The following CDH13 variants were observed in gnomAD, a reference collection of about 807,000 sequenced individuals.
CDH13 encodes cadherin-13.
CDH13 carries 24 observed loss-of-function variants against 63.8 expected under a neutral mutation model. The ratio of observed to expected loss-of-function variants is 0.38; its 90% CI spans 0.27 to 0.53. The LOEUF is 0.53. CDH13 is among the 20% of genes least tolerant of loss of function. The pLI is 0.85. For synonymous variants in CDH13, 503 were observed against 355.3 expected, an observed-to-expected ratio of 1.42 and a Z score of -4.67; for missense variants, 1,049 against 903.1, an observed-to-expected ratio of 1.16 and a Z score of -2.07.
In CDH13 at chr16:83,125,549, A is replaced by G. The variant is rs200634279; in HGVS notation, c.483+48A>G. ...GACAAAAACATGTTTTTATGAAAAG[A>G]TGAGCACAGCAGACTGAGTATGACT... On this transcript the variant is annotated intron_variant, in intron 4 of 13. Coordinates refer to ENST00000567109, the MANE Select transcript of CDH13 (RefSeq NM_001257.5). 3.2e-3 allele frequency: 3,208 copies of G among 1,004,050 alleles called. 12 individuals are homozygous for G. The highest frequency in any genetic ancestry group is 0.019 in the Middle Eastern group (95 of 4,938). 62.2% of individuals were successfully genotyped at this position (1,004,050 alleles called of 1,614,324 possible). A position where few individuals can be genotyped will look rare whatever the true frequency, so the allele number is the denominator to read the frequency against.
At chr16:83,654,861 C>G (rs1912719714) in intron 8 of CDH13, 1 of 152,218 alleles carries the variant, frequency 6.6e-6, no homozygotes, top group Non-Finnish European at 1.5e-5. Context: ...GAAAGAGCAT[C>G]TCCAGGTGGC....
intron 4 of CDH13, among the ~76,000 whole-genome samples, chr16:83,199,788 G>A (rs748415539): frequency 2.0e-5 from 3 of 152,186 alleles, no homozygotes; most frequent in Admixed American, 6.5e-5. Flanking sequence ...AGGACCTCAG[G>A]AATGCAGGTC....
At position 83,488,387 on chromosome 16, in the gene CDH13, G is replaced by C. The variant is rs900647608; in HGVS notation, c.960+1732G>C. ...GTTTGTTGGCATAGAGGGAAAAAAA[G>C]GAAAAAGAGTTGGAAATAAAACTAA... On this transcript the variant is annotated intron_variant, in intron 7 of 13. Transcript: ENST00000567109. 2.6e-5 allele frequency among the ~76,000 whole-genome samples: 4 copies of C among 152,230 alleles called. No individual in the cohort carries two copies. The South Asian group carries it at 8.3e-4, about 32-fold the overall frequency.
intron 6 of CDH13, among the ~76,000 whole-genome samples, chr16:83,392,194 T>C (rs1014575298): frequency 6.6e-6 from 1 of 152,182 alleles, no homozygotes; most frequent in Non-Finnish European, 1.5e-5. Flanking sequence ...CACTGCCTCA[T>C]AGCTTCGTGG....
chr16:82,869,519 C>G (rs1567616343), intron 2 of CDH13, among the ~76,000 whole-genome samples: 2 of 152,078 alleles, frequency 1.3e-5, no homozygotes, highest in South Asian at 2.1e-4. Context: ...AGACCCAGAA[C>G]AGCAGAAGCC....
intron 2 of CDH13, among the ~76,000 whole-genome samples, chr16:82,922,755 G>A (rs1463513279): frequency 2.0e-5 from 3 of 152,104 alleles, no homozygotes; most frequent in African/African-American, 4.8e-5. Context: ...TCATGTGCCC[G>A]AGAGGAAAAT....
At chr16:82,652,216 C>A (rs1288214774) in intron 1 of CDH13, among the ~76,000 whole-genome samples, 1 of 152,152 alleles carries the variant, frequency 6.6e-6, no homozygotes, top group Non-Finnish European at 1.5e-5. Context: ...TTCAGAAAAT[C>A]ATTATTGGTT....
intron 6 of CDH13, among the ~76,000 whole-genome samples, chr16:83,448,034 A>G (rs946566094): frequency 6.6e-6 from 1 of 152,162 alleles, no homozygotes; most frequent in Admixed American, 6.5e-5. Flanking sequence ...GGTACTTCCA[A>G]GGGAATGAGA....
chr16:82,991,200 C>T (rs1431715125), intron 2 of CDH13, among the ~76,000 whole-genome samples: 1 of 152,158 alleles, frequency 6.6e-6, no homozygotes, highest in South Asian at 2.1e-4. Context: ...ACATGTCTAC[C>T]AAGAGTGCAT....
intron 8 of CDH13, among the ~76,000 whole-genome samples, chr16:83,615,829 C>A (rs1347750398): frequency 6.6e-6 from 1 of 152,208 alleles, no homozygotes; most frequent in African/African-American, 2.4e-5. Flanking sequence ...GCATTCCCAA[C>A]TTCCCATCAC....
At chr16:83,360,625 C>G (rs2091144075) in intron 6 of CDH13, among the ~76,000 whole-genome samples, 3 of 152,172 alleles carry the variant, frequency 2.0e-5, no homozygotes, top group Non-Finnish European at 4.4e-5. Flanking sequence ...GCACCCTCCG[C>G]TAGTCCCCAG....
chr16:83,065,577 C>T (rs960627033), intron 3 of CDH13, among the ~76,000 whole-genome samples: 9 of 151,876 alleles, frequency 5.9e-5, no homozygotes, highest in Admixed American at 2.0e-4. Flanking sequence ...TGGTGGTGCA[C>T]GCCTGTAATT....
chr16:83,184,846 A>G (rs902057610), intron 4 of CDH13, among the ~76,000 whole-genome samples: 1 of 151,830 alleles, frequency 6.6e-6, no homozygotes, highest in African/African-American at 2.4e-5. Context: ...CAGACTATAT[A>G]TACATTAGCT....
At chr16:83,216,963 G>C (rs570516715) in intron 4 of CDH13, among the ~76,000 whole-genome samples, 3 of 151,942 alleles carry the variant, frequency 2.0e-5, no homozygotes, top group Non-Finnish European at 4.4e-5. Context: ...CAATGCATGC[G>C]CAGCAAATGG....
At chr16:83,094,635 T>A (rs907687552) in intron 3 of CDH13, among the ~76,000 whole-genome samples, 1 of 152,180 alleles carries the variant, frequency 6.6e-6, no homozygotes, top group African/African-American at 2.4e-5. Flanking sequence ...AACTTCCCAG[T>A]GGCTGAAAGA....
At chr16:83,745,124 G>A (rs1175486202) in intron 10 of CDH13, among the ~76,000 whole-genome samples, 5 of 152,272 alleles carry the variant, frequency 3.3e-5, no homozygotes, top group Admixed American at 6.5e-5. Context: ...CTCCTGGAGC[G>A]GTGTCCAGCC....
chr16:82,929,352 A>G (rs1441593694), intron 2 of CDH13, among the ~76,000 whole-genome samples: 5 of 152,110 alleles, frequency 3.3e-5, no homozygotes, highest in Admixed American at 2.6e-4. Flanking sequence ...TTTCTACTAC[A>G]TGAGGACACA....
At chr16:83,555,080 G>C (rs943774384) in intron 7 of CDH13, among the ~76,000 whole-genome samples, 1 of 152,170 alleles carries the variant, frequency 6.6e-6, no homozygotes, top group African/African-American at 2.4e-5. Context: ...CCAGCTTGCA[G>C]CCCCTCACTG....
chr16:83,056,340 TCTTACAAGAAAGTCCAGAATAACA>T (rs1567787578), intron 3 of CDH13, among the ~76,000 whole-genome samples: 1 of 151,992 alleles, frequency 6.6e-6, no homozygotes, highest in African/African-American at 2.4e-5. Context: ...CACTAAAGGC[TCTTACAAGAAAGTCCAGAATAACA>T]CTTTGTAATA....
Sources: allele counts gnomAD v4.1 joint callset (sites outside exome capture counted in the v4.1 genomes callset), GRCh38; gene constraint gnomAD v4.1.1; transcripts MANE v1.5; gene names NCBI Gene and HGNC (gene_info 2026-07-23, HGNC 2026-07-21).